Variants in SPIRE1 observed in about 807,000 individuals in gnomAD.
The protein encoded by SPIRE1 is protein spire homolog 1.
A neutral mutation model predicts 94.1 loss-of-function variants in SPIRE1; 40 were observed. That is an observed-to-expected ratio of 0.43 (90% CI 0.33 to 0.55). SPIRE1 has a LOEUF of 0.55. SPIRE1 is among the 20% of genes least tolerant of loss of function. SPIRE1 has a pLI of 0.06. For missense variants in SPIRE1, 838 were observed against 975.2 expected, an observed-to-expected ratio of 0.86 and a Z score of 1.87; for synonymous variants, 376 against 371.7, an observed-to-expected ratio of 1.01 and a Z score of -0.13.
chr18:12,451,733 C>G (rs142501072), intron 16 of SPIRE1, among the ~76,000 whole-genome samples: 301 of 152,322 alleles, frequency 2.0e-3, no homozygotes, highest in African/African-American at 6.6e-3. Context: ...TTCTTAAGGC[C>G]CAACACTAAA....
chr18:12,523,155 C>T (rs1339118317), intron 4 of SPIRE1, among the ~76,000 whole-genome samples: 1 of 152,138 alleles, frequency 6.6e-6, no homozygotes, highest in Non-Finnish European at 1.5e-5. Flanking sequence ...GATTCCAACC[C>T]TCATGGATGA....
chr18:12,456,403 T>C (rs982118355), intron 12 of SPIRE1, among the ~76,000 whole-genome samples: 14 of 152,230 alleles, frequency 9.2e-5, no homozygotes, highest in Non-Finnish European at 1.9e-4. Flanking sequence ...CAGCTTTTAA[T>C]GTATTTCAGA....
chr18:12,480,421 TGACA>T (rs2032796516), intron 9 of SPIRE1, among the ~76,000 whole-genome samples: 1 of 152,166 alleles, frequency 6.6e-6, no homozygotes, highest in Non-Finnish European at 1.5e-5. Context: ...ATACAACAAA[TGACA>T]GACAATGAAG....
intron 1 of SPIRE1, among the ~76,000 whole-genome samples, chr18:12,638,917 C>T (rs1347675153): frequency 6.6e-6 from 1 of 152,138 alleles, no homozygotes; most frequent in Non-Finnish European, 1.5e-5. Flanking sequence ...GCTTCCTGTA[C>T]AGCCTGCAGA....
At chr18:12,581,965 TAAC>T (rs749094865) in intron 2 of SPIRE1, among the ~76,000 whole-genome samples, 5 of 152,196 alleles carry the variant, frequency 3.3e-5, no homozygotes, top group Non-Finnish European at 7.3e-5. Flanking sequence ...TAGGTTTCAT[TAAC>T]AACTGTCTGC....
At chr18:12,481,602 T>C (rs1463932183) in intron 9 of SPIRE1, among the ~76,000 whole-genome samples, 1 of 152,130 alleles carries the variant, frequency 6.6e-6, no homozygotes, top group Non-Finnish European at 1.5e-5. Flanking sequence ...TGTCCATTAA[T>C]TATCTTTTTA....
intron 2 of SPIRE1, among the ~76,000 whole-genome samples, chr18:12,572,785 C>T (rs946894565): frequency 3.3e-5 from 5 of 152,018 alleles, no homozygotes; most frequent in South Asian, 2.1e-4. Context: ...AAAATGAAGC[C>T]AGGATTGTCT....
At chr18:12,542,747 A>G (rs1329069863) in intron 3 of SPIRE1, among the ~76,000 whole-genome samples, 1 of 152,220 alleles carries the variant, frequency 6.6e-6, no homozygotes, top group Non-Finnish European at 1.5e-5. Context: ...ACTGTTATAC[A>G]TTTTAATTCT....
At chr18:12,658,508 T>C (rs1370568925), upstream of SPIRE1, 9 of 458,976 alleles carry the variant, frequency 2.0e-5, no homozygotes, top group Admixed American at 2.2e-4. Context: ...GGCGGGGAAC[T>C]GGGCGCGCCA....
At chr18:12,456,431 T>C (rs565765995) in intron 12 of SPIRE1, among the ~76,000 whole-genome samples, 1 of 152,346 alleles carries the variant, frequency 6.6e-6, no homozygotes, top group Admixed American at 6.5e-5. Context: ...CTCTTATTTT[T>C]ATTCATCAGT....
Position 12,638,302 on chromosome 18 carries a change from C to T in SPIRE1, c.338-3206G>A, listed in dbSNP as rs9949203. On this transcript the variant is annotated intron_variant, in intron 1 of 16. Transcript: ENST00000409402. ...TCTATCAAAAATAAAAAATTAGCCA[C>T]GCATGTTGGCACAAGCCTGTAGTCC... is the stretch of plus-strand genomic sequence containing the variant. Among the ~76,000 whole-genome samples the T allele has an allele frequency of 2.5e-3, 379 of 152,110 alleles. 3 individuals are homozygous for T. The highest frequency in any genetic ancestry group is 8.8e-3 in the African/African-American group (364 of 41,504).
At chr18:12,589,479 A>G (rs2036472821) in intron 2 of SPIRE1, among the ~76,000 whole-genome samples, 1 of 152,190 alleles carries the variant, frequency 6.6e-6, no homozygotes, top group African/African-American at 2.4e-5. Context: ...CCTTTCCTCA[A>G]ACACACAAGT....
rs1216268947 is a variant in SPIRE1, at chr18:12,559,461, C to T, written c.373-12557G>A. ...CACGCGCAGCCCTGGTTGCCACCCG[C>T]GCCTCTCCCTCCACACCTCCCTGCA... On this transcript the variant is annotated intron_variant, in intron 2 of 16. Transcript: ENST00000409402. The surrounding 1 kb of genome is among the most constrained non-coding windows in gnomAD (Gnocchi z 4.7). Among the ~76,000 whole-genome samples, 3 of 152,186 alleles carry T rather than the reference C, an allele frequency of 2.0e-5. No individual in the cohort carries two copies. The highest frequency in any genetic ancestry group is 2.1e-4 in the South Asian group (1 of 4,828).
At chr18:12,607,448 C>G (rs934408967) in intron 2 of SPIRE1, among the ~76,000 whole-genome samples, 1 of 152,156 alleles carries the variant, frequency 6.6e-6, no homozygotes, top group Non-Finnish European at 1.5e-5. Flanking sequence ...TGGTTCTATG[C>G]CTCCCTTGCC....
intron 10 of SPIRE1, among the ~76,000 whole-genome samples, chr18:12,477,416 T>C (rs1005783371): frequency 2.0e-4 from 31 of 152,192 alleles, no homozygotes; most frequent in Admixed American, 1.9e-3. Flanking sequence ...GGCTACCGAA[T>C]TGGAGCTCTG....
chr18:12,644,691 A>AT (rs1368576259), intron 1 of SPIRE1, among the ~76,000 whole-genome samples: 1 of 152,156 alleles, frequency 6.6e-6, no homozygotes, highest in African/African-American at 2.4e-5. Context: ...CACATTTCAA[A>AT]TTTTTTCAAC....
At chr18:12,509,883 G>A (rs539734275) in intron 5 of SPIRE1, among the ~76,000 whole-genome samples, 5 of 152,150 alleles carry the variant, frequency 3.3e-5, no homozygotes, top group South Asian at 4.1e-4. Context: ...TCAGGAGTAC[G>A]AGATCAGCCT....
intron 2 of SPIRE1, among the ~76,000 whole-genome samples, chr18:12,626,145 A>G (rs1050832889): frequency 5.3e-5 from 8 of 152,164 alleles, no homozygotes; most frequent in African/African-American, 1.9e-4. Flanking sequence ...AGACAAAAAA[A>G]GACATTTTAA....
chr18:12,497,308 A>G (rs2033493554), intron 6 of SPIRE1, among the ~76,000 whole-genome samples: 1 of 152,146 alleles, frequency 6.6e-6, no homozygotes, highest in South Asian at 2.1e-4. Flanking sequence ...AATTTTTTTT[A>G]GAAATTTTTT....
Sources: allele counts gnomAD v4.1 joint callset (sites outside exome capture counted in the v4.1 genomes callset), GRCh38; gene constraint gnomAD v4.1.1; non-coding constraint Gnocchi (gnomAD v3.1); transcripts MANE v1.5; gene names NCBI Gene and HGNC (gene_info 2026-07-23, HGNC 2026-07-21).